FREM1: variants seen among roughly 807,000 people sequenced by gnomAD.
FREM1 encodes the protein FRAS1-related extracellular matrix protein 1.
Under a neutral mutation model 210.1 loss-of-function variants are expected in FREM1, and 220 were observed. The observed-to-expected ratio is 1.05, with a 90% CI of 0.94 to 1.17. FREM1 has a LOEUF of 1.17. Among genes scored for constraint, FREM1 ranks in the 50% most tolerant of loss-of-function variants. The pLI, the probability that FREM1 is intolerant of heterozygous loss-of-function variation, is 0.00. For missense variants in FREM1, 3,454 were observed against 2,675.5 expected, an observed-to-expected ratio of 1.29 and a Z score of -6.42; for synonymous variants, 1,189 against 980.2, an observed-to-expected ratio of 1.21 and a Z score of -3.98.
intron 1 of FREM1, among the ~76,000 whole-genome samples, chr9:14,883,318 C>T (rs575631720): frequency 3.0e-4 from 45 of 152,258 alleles, no homozygotes; most frequent in Non-Finnish European, 4.9e-4. Context: ...CAAAACTCAT[C>T]CTTCAATCAA....
At chr9:14,890,538 T>C (rs1384461431) in intron 1 of FREM1, among the ~76,000 whole-genome samples, 2 of 152,214 alleles carry the variant, frequency 1.3e-5, no homozygotes, top group Non-Finnish European at 2.9e-5. Flanking sequence ...GAAAACGTTT[T>C]TTGTTCTTTT....
At chr9:14,813,968 C>G (rs1253243734) in intron 15 of FREM1, among the ~76,000 whole-genome samples, 1 of 152,176 alleles carries the variant, frequency 6.6e-6, no homozygotes, top group Non-Finnish European at 1.5e-5. Flanking sequence ...TAGTATTTCT[C>G]TGGCCTTATC....
chr9:14,792,295 CACACACACAGAG>C (rs1481919842), intron 22 of FREM1, among the ~76,000 whole-genome samples: 2 of 146,138 alleles, frequency 1.4e-5, no homozygotes, highest in African/African-American at 5.0e-5. Context: ...CACACACACA[CACACACACAGAG>C]AGAGAGAGAG....
intron 16 of FREM1, among the ~76,000 whole-genome samples, chr9:14,808,501 G>A (rs1047450225): frequency 6.6e-6 from 1 of 152,140 alleles, no homozygotes; most frequent in Non-Finnish European, 1.5e-5. Flanking sequence ...CAGGGAGAGG[G>A]AGAAGGCAAC....
chr9:14,777,836 T>C (rs1848885121), intron 24 of FREM1, among the ~76,000 whole-genome samples: 2 of 152,142 alleles, frequency 1.3e-5, no homozygotes, highest in Admixed American at 1.3e-4. Flanking sequence ...CCAGCCTGCC[T>C]GCGACCACGG....
At chr9:14,785,710 G>C (rs1005730731) in intron 23 of FREM1, among the ~76,000 whole-genome samples, 4 of 65,586 alleles carry the variant, frequency 6.1e-5, no homozygotes, top group Non-Finnish European at 1.4e-4. Context: ...CTTACATGAA[G>C]TACCTAGAGT....
chr9:14,891,720 G>A (rs898703259), intron 1 of FREM1, among the ~76,000 whole-genome samples: 1 of 152,184 alleles, frequency 6.6e-6, no homozygotes, highest in Admixed American at 6.5e-5. Context: ...AATTAGTATT[G>A]AGAAAGGTGC....
rs751522944 is a variant in FREM1, at chr9:14,789,035, G to A, written c.4061C>T (p.Thr1354Ile). The change falls in exon 23 of 37, where the codon ACA (threonine) becomes ATA (isoleucine). Residue 1354 changes from threonine (T) to isoleucine (I), a missense_variant. By Grantham distance (89) the Thr-to-Ile change is moderately conservative (BLOSUM62 -1). Transcript: ENST00000380880. ...EEVDLNLLRY[T>I]HTGAMDSQNQ... ...CTGGGAATCCATTGCCCCGGTGTGT[G>A]TGTATCTCAGCAAGTTCAGATCCAC... The A allele has an allele frequency of 6.2e-7, 1 of 1,610,864 alleles. No homozygotes were observed. Among genetic ancestry groups the A allele is most frequent in the Middle Eastern group, 1.7e-4 (1 of 6,058 alleles).
At chr9:14,870,328 T>A (rs1315948413) in intron 1 of FREM1, among the ~76,000 whole-genome samples, 1 of 152,212 alleles carries the variant, frequency 6.6e-6, no homozygotes, top group African/African-American at 2.4e-5. Flanking sequence ...CTGAGGGGTG[T>A]ACACTTTACA....
intron 10 of FREM1, among the ~76,000 whole-genome samples, chr9:14,829,977 T>C (rs561853287): frequency 6.6e-6 from 1 of 151,894 alleles, no homozygotes; most frequent in African/African-American, 2.4e-5. Context: ...CAAAAGCACA[T>C]GGGTGAAGTG....
At chr9:14,860,662 T>TACACATATATAC (rs1467807449) in intron 3 of FREM1, among the ~76,000 whole-genome samples, 11 of 133,230 alleles carry the variant, frequency 8.3e-5, no homozygotes, top group African/African-American at 3.5e-4. Flanking sequence ...TACACATATA[T>TACACATATATAC]ACATATATAC....
rs190361441 is a variant in FREM1 at position 14,766,971 on chromosome 9, C to A, written c.5204+2753G>T. On this transcript the variant is annotated intron_variant, in intron 27 of 36. Transcript: ENST00000380880. ...TTATTGTACCTACATGAATTAACTA[C>A]AACAGTAATCACCACAAGTTGCATT... Among the ~76,000 whole-genome samples, 503 of 152,300 alleles carry A rather than the reference C, an allele frequency of 3.3e-3. 1 individual carries two copies. Among genetic ancestry groups the A allele is most frequent in the Non-Finnish European group, 5.1e-3 (350 of 68,022 alleles).
In FREM1 at chr9:14,776,175, C is replaced by A. The variant is rs190325959; in HGVS notation, c.4471G>T (p.Glu1491Ter). ...AGTGTGATCTCAAACACCCCGTGCT[C>A]GGTCCGCAGTCCATTGCTGATGATG... ...RFIISNGLRT[E>*]HGVFEITLET... Residue 1491 changes from glutamate to a stop codon, truncating the protein, a stop_gained, in exon 25 of 37, where the codon GAG (glutamate) becomes TAG (stop). Coordinates refer to ENST00000380880, the MANE Select transcript of FREM1 (RefSeq NM_001379081.2). LOFTEE classifies it high-confidence loss of function. The A allele has an allele frequency of 2.0e-6, 3 of 1,537,828 alleles. No individual in the cohort carries two copies. The African/African-American group carries it at 4.1e-5, about 21-fold the overall frequency.
rs143282924 is a variant in FREM1, at chr9:14,903,986, G to A, written c.-268+5928C>T. On this transcript the variant is annotated intron_variant, in intron 1 of 36. Coordinates refer to ENST00000380880, the MANE Select transcript of FREM1 (RefSeq NM_001379081.2). ...AATACAAAAAAATTAGCTGGGCGTG[G>A]TGGCAGGCGCCTGTAGTCCCAGCTG... 2.4e-3 allele frequency among the ~76,000 whole-genome samples: 369 copies of A among 152,082 alleles called. 2 individuals carry two copies. The highest frequency in any genetic ancestry group is 8.6e-3 in the African/African-American group (355 of 41,478).
intron 10 of FREM1, among the ~76,000 whole-genome samples, chr9:14,829,913 T>C (rs1237490920): frequency 2.0e-5 from 3 of 151,792 alleles, no homozygotes; most frequent in East Asian, 3.9e-4. Flanking sequence ...TAAGGATAGA[T>C]GAGAGATGCA....
intron 22 of FREM1, among the ~76,000 whole-genome samples, chr9:14,789,328 C>T (rs1850914182): frequency 6.6e-6 from 1 of 152,018 alleles, no homozygotes; most frequent in Non-Finnish European, 1.5e-5. Flanking sequence ...CGGCTTCAAC[C>T]AAAGGGTTTC....
intron 16 of FREM1, among the ~76,000 whole-genome samples, chr9:14,809,140 T>G (rs1818928226): frequency 6.6e-6 from 1 of 152,138 alleles, no homozygotes; most frequent in Non-Finnish European, 1.5e-5. Context: ...GATCCAATGG[T>G]TTTAAAAATG....
chr9:14,775,272 C>T (rs950807332), intron 25 of FREM1, among the ~76,000 whole-genome samples: 1 of 152,148 alleles, frequency 6.6e-6, no homozygotes, highest in African/African-American at 2.4e-5. Flanking sequence ...GTGGCTTTTG[C>T]TCCTTTCTGT....
rs79007500 is a variant in FREM1 at position 14,781,095 on chromosome 9, T to C, written c.4442+3275A>G. On this transcript the variant is annotated intron_variant, in intron 24 of 36. Transcript: ENST00000380880. ...AATGGAAAGAACCTTCTACTGGAAA[T>C]GAGCTCTGAGCCCCAAATTCAGCAG... Among the ~76,000 whole-genome samples the C allele has an allele frequency of 2.0e-5, 3 of 152,198 alleles. No homozygotes were observed. The East Asian group carries it at 5.8e-4, about 29-fold the overall frequency.
Sources: gnomAD v4.1 joint callset for allele counts (sites outside exome capture counted in the v4.1 genomes callset) on GRCh38, gnomAD v4.1.1 for gene constraint, MANE v1.5 for transcripts, NCBI Gene and HGNC (gene_info 2026-07-23, HGNC 2026-07-21) for gene names.